Variants in FHIT observed in about 807,000 individuals in gnomAD.
FHIT encodes bis(5'-adenosyl)-triphosphatase.
A neutral mutation model predicts 17.9 loss-of-function variants in FHIT; 19 were observed. That is an observed-to-expected ratio of 1.06 (90% CI 0.74 to 1.56). The LOEUF (loss-of-function observed/expected upper bound fraction) is 1.56. Ranked by LOEUF, FHIT falls within the 40% of genes most tolerant of loss-of-function variation. The pLI, the probability that FHIT is intolerant of heterozygous loss-of-function variation, is 0.00. For synonymous variants in FHIT, 81 were observed against 69.7 expected (o/e 1.16, Z -0.81); for missense variants, 248 against 189.2 (o/e 1.31, Z -1.82).
chr3:60,978,509 G>T (rs1365781654), intron 3 of FHIT, among the ~76,000 whole-genome samples: 1 of 152,180 alleles, frequency 6.6e-6, no homozygotes, highest in Non-Finnish European at 1.5e-5. Flanking sequence ...GCAGTAAAGA[G>T]AAATAAAGCA....
intron 1 of FHIT, among the ~76,000 whole-genome samples, chr3:61,207,867 G>C (rs1327253083): frequency 6.8e-6 from 1 of 146,134 alleles, no homozygotes; most frequent in Non-Finnish European, 1.6e-5. Flanking sequence ...CTAGTGTTGA[G>C]TGTTGCTCTT....
At chr3:60,919,809 G>A (rs1444889935) in intron 3 of FHIT, among the ~76,000 whole-genome samples, 1 of 152,160 alleles carries the variant, frequency 6.6e-6, no homozygotes, top group Non-Finnish European at 1.5e-5. Flanking sequence ...GCCGAGATAG[G>A]TAGATCACAA....
At chr3:60,416,481 C>A (rs957856651) in intron 5 of FHIT, among the ~76,000 whole-genome samples, 2 of 152,148 alleles carry the variant, frequency 1.3e-5, no homozygotes, top group Non-Finnish European at 2.9e-5. Context: ...TAACTCAAGT[C>A]TACCACAATT....
At chr3:60,072,710 C>T (rs1702831571) in intron 5 of FHIT, among the ~76,000 whole-genome samples, 1 of 152,068 alleles carries the variant, frequency 6.6e-6, no homozygotes, top group Non-Finnish European at 1.5e-5. Context: ...GATCCCAAGC[C>T]TGTGCTCTTA....
chr3:59,820,052 C>T (rs1206573577), intron 8 of FHIT, among the ~76,000 whole-genome samples: 2 of 152,228 alleles, frequency 1.3e-5, no homozygotes, highest in African/African-American at 4.8e-5. Context: ...TTGGACTTCC[C>T]AGGCTCCAGA....
intron 5 of FHIT, among the ~76,000 whole-genome samples, chr3:60,358,824 T>C (rs1361322433): frequency 2.6e-5 from 4 of 152,198 alleles, no homozygotes; most frequent in African/African-American, 7.2e-5. Flanking sequence ...GGGAAATTAT[T>C]CTTCTCCTTT....
intron 5 of FHIT, among the ~76,000 whole-genome samples, chr3:60,482,012 C>A (rs2033630174): frequency 6.6e-6 from 1 of 152,084 alleles, no homozygotes; most frequent in Non-Finnish European, 1.5e-5. Flanking sequence ...CAAAAGAAAG[C>A]AGAGCTTGCA....
chr3:60,479,207 T>G (rs900118049), intron 5 of FHIT, among the ~76,000 whole-genome samples: 10 of 152,208 alleles, frequency 6.6e-5, no homozygotes, highest in African/African-American at 2.4e-4. Context: ...TTAACTGACA[T>G]CAAAGTTACA....
At chr3:60,189,836 C>T (rs745419254) in intron 5 of FHIT, among the ~76,000 whole-genome samples, 10 of 152,078 alleles carry the variant, frequency 6.6e-5, no homozygotes, top group Admixed American at 3.3e-4. Flanking sequence ...CTGTATTCTT[C>T]GGAGTTGGTT....
chr3:61,235,235 G>C (rs1016554803), intron 1 of FHIT, among the ~76,000 whole-genome samples: 2 of 152,128 alleles, frequency 1.3e-5, no homozygotes, highest in African/African-American at 4.8e-5. Context: ...CGGATGGCCT[G>C]GGTCCATATC....
chr3:60,225,581 T>C (rs988351776), intron 5 of FHIT, among the ~76,000 whole-genome samples: 2 of 152,100 alleles, frequency 1.3e-5, no homozygotes, highest in African/African-American at 4.8e-5. Context: ...CAGAATGGTG[T>C]GAGTAGGTTG....
At chr3:61,024,165 C>T (rs2032610513) in intron 3 of FHIT, among the ~76,000 whole-genome samples, 1 of 152,034 alleles carries the variant, frequency 6.6e-6, no homozygotes, top group Non-Finnish European at 1.5e-5. Flanking sequence ...AAGAATATAA[C>T]TTCGCATCTT....
intron 8 of FHIT, among the ~76,000 whole-genome samples, chr3:59,915,424 G>C (rs1705087121): frequency 6.6e-6 from 1 of 152,166 alleles, no homozygotes; most frequent in African/African-American, 2.4e-5. Flanking sequence ...AACTAATCTA[G>C]GGTGGCTTAC....
Position 61,161,976 on chromosome 3 carries a change from C to A in FHIT, c.-164+38641G>T, listed in dbSNP as rs188372746. Reference sequence around the variant, plus strand: ...GAAAAAACGGGATGATTTTTTGATTCTCTCAAATATTAGGTAAGTGTTTAA... The same window carrying A: ...GAAAAAACGGGATGATTTTTTGATTATCTCAAATATTAGGTAAGTGTTTAA... On this transcript the variant is annotated intron_variant, in intron 2 of 9. Coordinates refer to ENST00000492590, the MANE Select transcript of FHIT (RefSeq NM_002012.4). 1.0e-3 allele frequency among the ~76,000 whole-genome samples: 154 copies of A among 152,302 alleles called. 1 individual carries two copies. The highest frequency in any genetic ancestry group is 3.4e-3 in the Middle Eastern group (1 of 294).
intron 4 of FHIT, among the ~76,000 whole-genome samples, chr3:60,650,992 G>C (rs1334168651): frequency 6.6e-6 from 1 of 151,892 alleles, no homozygotes; most frequent in Non-Finnish European, 1.5e-5. Context: ...CCATTTCCAA[G>C]TTTTGTTTTG....
chr3:60,415,199 A>G (rs1559894651), intron 5 of FHIT, among the ~76,000 whole-genome samples: 1 of 152,178 alleles, frequency 6.6e-6, no homozygotes, highest in East Asian at 1.9e-4. Context: ...AGATAATTGA[A>G]GTTTTACTAT....
At chr3:60,827,317 A>G (rs1702159232) in intron 3 of FHIT, among the ~76,000 whole-genome samples, 1 of 152,196 alleles carries the variant, frequency 6.6e-6, no homozygotes, top group African/African-American at 2.4e-5. Context: ...ACATGAAACT[A>G]GAAGGCAGGA....
At chr3:60,748,903 A>G (rs1403910816) in intron 4 of FHIT, among the ~76,000 whole-genome samples, 1 of 152,252 alleles carries the variant, frequency 6.6e-6, no homozygotes, top group Non-Finnish European at 1.5e-5. Flanking sequence ...TGTTTAAGCA[A>G]TAATGACAAG....
intron 4 of FHIT, among the ~76,000 whole-genome samples, chr3:60,540,810 A>C (rs2036162193): frequency 6.6e-6 from 1 of 152,198 alleles, no homozygotes; most frequent in South Asian, 2.1e-4. Context: ...TCAGGTACTA[A>C]AGAAATAAGA....
Sources: gnomAD v4.1 joint callset for allele counts (sites outside exome capture counted in the v4.1 genomes callset) on GRCh38, gnomAD v4.1.1 for gene constraint, MANE v1.5 for transcripts, NCBI Gene and HGNC (gene_info 2026-07-23, HGNC 2026-07-21) for gene names.